CNDP1: variants seen among roughly 807,000 people sequenced by gnomAD.
The protein encoded by CNDP1 is beta-Ala-His dipeptidase.
CNDP1 carries 44 observed loss-of-function variants against 58.1 expected under a neutral mutation model. The ratio of observed to expected loss-of-function variants is 0.76; its 90% confidence interval spans 0.60 to 0.97. The LOEUF (loss-of-function observed/expected upper bound fraction) is 0.97, where lower values mean the gene tolerates loss of function less well. Ranked by LOEUF, CNDP1 falls within the 50% of genes least tolerant of loss-of-function variation. The pLI, the probability that CNDP1 is intolerant of heterozygous loss-of-function variation, is 0.00. For synonymous variants in CNDP1, 254 were observed against 252.6 expected (o/e 1.01, Z -0.05); for missense variants, 616 against 655.1 (o/e 0.94, Z 0.65).
chr18:74,573,340 C>G (rs1981538031), intron 7 of CNDP1, among the ~76,000 whole-genome samples: 1 of 152,058 alleles, frequency 6.6e-6, no homozygotes, highest in African/African-American at 2.4e-5. Flanking sequence ...ATTTTTCTAT[C>G]CATCCATCCA....
chr18:74,551,189 A>G (rs1427269410), intron 1 of CNDP1, among the ~76,000 whole-genome samples: 1 of 150,888 alleles, frequency 6.6e-6, no homozygotes, highest in East Asian at 2.0e-4. Flanking sequence ...GTTCCTTGAG[A>G]CCTCCTCACA....
rs1409799847 is a variant in CNDP1 at position 74,580,129 on chromosome 18, G to A, written c.1168-1G>A. ...TTATCATTGAAAATGTCACCTTTTA[G>A]GTGACACGACATCTTGAAGATGTGT... On this transcript the variant is annotated splice_acceptor_variant, in intron 9 of 11. Transcript: ENST00000358821. LOFTEE classifies it high-confidence loss of function. 1.2e-6 allele frequency: 2 copies of A among 1,611,960 alleles called. No individual in the cohort carries two copies. The highest frequency in any genetic ancestry group is 1.7e-5 in the Admixed American group (1 of 59,760).
chr18:74,541,067 T>C (rs992689260), intron 1 of CNDP1, among the ~76,000 whole-genome samples: 3 of 152,178 alleles, frequency 2.0e-5, no homozygotes, highest in Admixed American at 2.0e-4. Flanking sequence ...CTGCGAGTTG[T>C]TGGGCACTGG....
intron 1 of CNDP1, among the ~76,000 whole-genome samples, chr18:74,536,755 T>G (rs982987227): frequency 2.0e-5 from 3 of 152,248 alleles, no homozygotes; most frequent in African/African-American, 7.2e-5. Context: ...TTTACACTCC[T>G]ACCAACAACG....
At chr18:74,581,751 T>G (rs936467719) in intron 10 of CNDP1, among the ~76,000 whole-genome samples, 2 of 152,184 alleles carry the variant, frequency 1.3e-5, no homozygotes, top group African/African-American at 4.8e-5. Context: ...TCTTTTTGGC[T>G]TCTGCACCAG....
At chr18:74,554,046 G>A (rs1980974391) in intron 1 of CNDP1, among the ~76,000 whole-genome samples, 2 of 152,226 alleles carry the variant, frequency 1.3e-5, no homozygotes, top group South Asian at 2.1e-4. Flanking sequence ...CAGGCTCAGA[G>A]AGGTACCCGA....
intron 7 of CNDP1, among the ~76,000 whole-genome samples, chr18:74,574,434 C>G (rs1425053901): frequency 6.6e-6 from 1 of 152,184 alleles, no homozygotes; most frequent in African/African-American, 2.4e-5. Flanking sequence ...TCCCTAAAAG[C>G]CATAAAACAG....
Position 74,576,893 on chromosome 18 carries a change from A to C in CNDP1, c.866A>C (p.His289Pro). 1.2e-6 allele frequency: 2 copies of C among 1,612,966 alleles called. No individual in the cohort carries two copies. The highest frequency in any genetic ancestry group is 2.2e-5 in the South Asian group (2 of 90,658). ...GGTAGCCTGGTAGACTCGTCTGGTC[A>C]TATCCTGGTCCCTGGAATCTATGAT... Reference protein sequence around the residue: ...LLGSLVDSSGHILVPGIYDEV... With the variant: ...LLGSLVDSSGPILVPGIYDEV... The change falls in exon 8 of 12, where the codon CAT (histidine) becomes CCT (proline). Residue 289 changes from histidine (H) to proline (P), a missense_variant. By Grantham distance (77) the His-to-Pro change is moderately conservative (BLOSUM62 -2). Coordinates refer to ENST00000358821, the MANE Select transcript of CNDP1 (RefSeq NM_032649.6).
At chr18:74,555,399 C>T (rs528733997) in intron 1 of CNDP1, among the ~76,000 whole-genome samples, 2 of 152,264 alleles carry the variant, frequency 1.3e-5, no homozygotes, top group East Asian at 3.9e-4. Flanking sequence ...TCCTCTTCTC[C>T]AGCCCGCCTC....
At chr18:74,544,543 C>A (rs979417978) in intron 1 of CNDP1, among the ~76,000 whole-genome samples, 6 of 151,638 alleles carry the variant, frequency 4.0e-5, no homozygotes, top group Non-Finnish European at 8.8e-5. Flanking sequence ...ATGGTGAAAC[C>A]CCATCTCTAC....
intron 7 of CNDP1, among the ~76,000 whole-genome samples, chr18:74,571,799 C>A (rs1237705891): frequency 6.6e-6 from 1 of 152,190 alleles, no homozygotes; most frequent in Non-Finnish European, 1.5e-5. Context: ...CTGGCCCTTC[C>A]GCAGACCAGC....
chr18:74,567,868 G>A (rs1171514335), intron 6 of CNDP1, among the ~76,000 whole-genome samples: 1 of 152,182 alleles, frequency 6.6e-6, no homozygotes, highest in Non-Finnish European at 1.5e-5. Context: ...GAAAGAGAAG[G>A]AACATTGGTG....
chr18:74,538,568 C>T (rs1488647057), intron 1 of CNDP1, among the ~76,000 whole-genome samples: 5 of 152,084 alleles, frequency 3.3e-5, no homozygotes, highest in African/African-American at 4.8e-5. Context: ...GTGGAATTGC[C>T]GGTTGATACA....
At chr18:74,576,322 GC>G (rs1981636263) in intron 7 of CNDP1, 1 of 151,836 alleles carries the variant, frequency 6.6e-6, no homozygotes, top group East Asian at 1.9e-4. Context: ...GTGCCACCAT[GC>G]CCTGCTAATT....
chr18:74,571,387 G>A (rs898846343), intron 7 of CNDP1, 117 bp downstream of exon 7: 1 of 686,074 alleles, frequency 1.5e-6, no homozygotes, highest in Non-Finnish European at 2.6e-6. Flanking sequence ...GGGTGTAGAT[G>A]CTTAGATTTT....
chr18:74,558,035 G>A (rs576441201), intron 2 of CNDP1, among the ~76,000 whole-genome samples: 2 of 152,194 alleles, frequency 1.3e-5, no homozygotes, highest in Non-Finnish European at 2.9e-5. Flanking sequence ...TTATGGAGAA[G>A]CCAGCAGTCT....
chr18:74,556,993 T>G (rs192522464), intron 2 of CNDP1, among the ~76,000 whole-genome samples: 1 of 151,680 alleles, frequency 6.6e-6, no homozygotes, highest in East Asian at 2.0e-4. Flanking sequence ...TCGGCTAACC[T>G]CAACTTCCCA....
chr18:74,569,296 TG>T (rs1981409809), intron 6 of CNDP1, among the ~76,000 whole-genome samples: 1 of 152,082 alleles, frequency 6.6e-6, no homozygotes, highest in African/African-American at 2.4e-5. Context: ...AAAGACCAGC[TG>T]GGCAGGAAGG....
chr18:74,579,477 C>A (rs1981733213), intron 9 of CNDP1, among the ~76,000 whole-genome samples: 1 of 151,566 alleles, frequency 6.6e-6, no homozygotes, highest in African/African-American at 2.4e-5. Flanking sequence ...TTGTCTTGTT[C>A]ACAGCTGTAT....
Sources: gnomAD v4.1 joint callset for allele counts (sites outside exome capture counted in the v4.1 genomes callset) on GRCh38, gnomAD v4.1.1 for gene constraint, MANE v1.5 for transcripts, NCBI Gene and HGNC (gene_info 2026-07-23, HGNC 2026-07-21) for gene names.